The following PRKAA1 variants were observed in gnomAD, a reference collection of about 807,000 sequenced individuals.
PRKAA1 encodes 5'-AMP-activated protein kinase catalytic subunit alpha-1.
In PRKAA1, 23 loss-of-function variants were observed where a neutral mutation model predicts 56.9. The observed-to-expected ratio is 0.40, with a 90% CI of 0.29 to 0.57. The LOEUF is 0.57. PRKAA1 is among the 20% of genes least tolerant of loss of function. PRKAA1 has a pLI of 0.39. For missense variants in PRKAA1, 413 were observed against 679.7 expected (o/e 0.61, Z 4.36); for synonymous variants, 226 against 227.0 (o/e 1.00, Z 0.04).
chr5:40,774,922 T>A, intron 3 of PRKAA1: 1 of 1,589,512 alleles, frequency 6.3e-7, no homozygotes, highest in Non-Finnish European at 8.6e-7. Flanking sequence ...TATATCTAAT[T>A]CCTACCTCCT....
Position 40,765,160 on chromosome 5 carries a change from A to T in PRKAA1, c.900T>A (p.Asp300Glu), listed in dbSNP as rs1743368630. Residue 300 changes from aspartate to glutamate, a missense_variant, in exon 7 of 9, where the codon GAT (aspartate) becomes GAA (glutamate). Asp to Glu is a conservative substitution (Grantham distance 45). Transcript: ENST00000397128. The part of the protein sequence containing the change: ...EDPSYSSTMI[D>E]DEALKEVCEK... ...CACATACTTCTTTTAAGGCTTCATCATCAATCATGGTTGAACTATATGATG... is the reference window on the plus strand; with the variant it reads ...CACATACTTCTTTTAAGGCTTCATCTTCAATCATGGTTGAACTATATGATG... The T allele has an allele frequency of 6.2e-7, 1 of 1,614,180 alleles. No individual in the cohort carries two copies. The highest frequency in any genetic ancestry group is 1.1e-5 in the South Asian group (1 of 91,090).
chr5:40,763,718 C>T (rs901832976), intron 8 of PRKAA1, among the ~76,000 whole-genome samples: 1 of 152,094 alleles, frequency 6.6e-6, no homozygotes, highest in African/African-American at 2.4e-5. Context: ...AAACTCATTC[C>T]GTATTTCAGA....
intron 1 of PRKAA1, 150 bp downstream of exon 1, chr5:40,797,913 G>C: frequency 1.5e-6 from 2 of 1,359,050 alleles, no homozygotes; most frequent in Non-Finnish European, 1.9e-6. Context: ...CCCCGCGGCG[G>C]CTGGGGAGAG....
At chr5:40,776,587 AC>A (rs1744014462) in intron 2 of PRKAA1, among the ~76,000 whole-genome samples, 1 of 152,224 alleles carries the variant, frequency 6.6e-6, no homozygotes, top group Non-Finnish European at 1.5e-5. Flanking sequence ...CAGGAGAAAA[AC>A]CTAAGCATCT....
In PRKAA1 at chr5:40,773,280, GA is replaced by G. The variant is rs1053768081; in HGVS notation, c.364-1418del. 7.3e-5 allele frequency among the ~76,000 whole-genome samples: 11 copies of G among 151,206 alleles called. No individual in the cohort carries two copies. In the East Asian group the frequency reaches 9.7e-4, roughly 13 times the overall value. On this transcript the variant is annotated intron_variant, in intron 3 of 8. Transcript: ENST00000397128. ...ATTTCTAGATTTGTAGGTTCATGGGGAAAAAAAAGAGTATCTGTTCAAATAT... is the reference window on the plus strand; with the variant it reads ...ATTTCTAGATTTGTAGGTTCATGGGGAAAAAAAGAGTATCTGTTCAAATAT...
intron 2 of PRKAA1, among the ~76,000 whole-genome samples, chr5:40,775,803 G>A (rs1210655956): frequency 6.6e-6 from 1 of 152,196 alleles, no homozygotes; most frequent in Non-Finnish European, 1.5e-5. Flanking sequence ...TTTGAGCTGA[G>A]CCTAAAAGAA....
intron 3 of PRKAA1, 81 bp from the exon 4 acceptor site, chr5:40,771,944 T>C (rs2112016062): frequency 4.0e-6 from 6 of 1,495,786 alleles, no homozygotes; most frequent in South Asian, 2.5e-5. Context: ...ACCTATAAAA[T>C]TGTCAAAATA....
rs773209378 is a variant in PRKAA1 at position 40,775,007 on chromosome 5, C to A, written c.363+403G>T. Reference sequence around the variant, plus strand: ...AAAAATGAATGCAATTTAAATGTGGCTAGAATTGACTAGCAAGGCCTAGAT... The same window carrying A: ...AAAAATGAATGCAATTTAAATGTGGATAGAATTGACTAGCAAGGCCTAGAT... On this transcript the variant is annotated intron_variant, in intron 3 of 8. Transcript: ENST00000397128. 4.1e-6 allele frequency: 6 copies of A among 1,454,532 alleles called. No individual in the cohort carries two copies. The Admixed American group carries it at 1.0e-4, about 25-fold the overall frequency. 90.1% of individuals were successfully genotyped at this position (1,454,532 alleles called of 1,614,324 possible). A position where few individuals can be genotyped will look rare whatever the true frequency, so the allele number is the denominator to read the frequency against.
rs985094952 is a variant in PRKAA1, at chr5:40,761,123, G to T, written c.*1655C>A. On this transcript the variant is annotated 3_prime_UTR_variant, in exon 9 of 9. Transcript: ENST00000397128. The stretch of plus-strand genomic sequence containing the variant: ...AATGTGACCACTTATTAATAGAATT[G>T]ATTTGTTCCATATTTTATCAAAATA... 7 of 152,018 alleles carry T rather than the reference G, an allele frequency of 4.6e-5. No individual in the cohort carries two copies. The highest frequency in any genetic ancestry group is 1.7e-4 in the African/African-American group (7 of 41,414). 9.4% of individuals were successfully genotyped at this position (152,018 alleles called of 1,614,324 possible).
chr5:40,773,760 G>A (rs1743859782), intron 3 of PRKAA1, among the ~76,000 whole-genome samples: 1 of 152,234 alleles, frequency 6.6e-6, no homozygotes, highest in South Asian at 2.1e-4. Context: ...TGAGAGATGA[G>A]CTGAAAACAG....
At chr5:40,768,172 C>T (rs561112647) in intron 5 of PRKAA1, among the ~76,000 whole-genome samples, 1 of 152,192 alleles carries the variant, frequency 6.6e-6, no homozygotes, top group Non-Finnish European at 1.5e-5. Context: ...GTTTGCAGTG[C>T]ATTGTAGTCA....
At chr5:40,783,274 C>T (rs893109997) in intron 1 of PRKAA1, among the ~76,000 whole-genome samples, 2 of 152,112 alleles carry the variant, frequency 1.3e-5, no homozygotes, top group East Asian at 3.9e-4. Flanking sequence ...GTTATTCCAA[C>T]CTAACAGACT....
chr5:40,771,003 A>C (rs1743721716), intron 4 of PRKAA1, among the ~76,000 whole-genome samples: 1 of 152,068 alleles, frequency 6.6e-6, no homozygotes, highest in Non-Finnish European at 1.5e-5. Context: ...AAATTGTTTT[A>C]AATAATTTTA....
At chr5:40,772,661 T>C (rs1266575653) in intron 3 of PRKAA1, among the ~76,000 whole-genome samples, 1 of 152,094 alleles carries the variant, frequency 6.6e-6, no homozygotes, top group Non-Finnish European at 1.5e-5. Context: ...TGAGATCCAG[T>C]CTCGTTCTGT....
At chr5:40,775,083 T>C in intron 3 of PRKAA1, 1 of 867,292 alleles carries the variant, frequency 1.2e-6, no homozygotes, top group Non-Finnish European at 1.8e-6. Context: ...TTAAGATACA[T>C]ATTCAAAGTA....
At chr5:40,783,035 C>T (rs960620879) in intron 1 of PRKAA1, among the ~76,000 whole-genome samples, 9 of 152,120 alleles carry the variant, frequency 5.9e-5, no homozygotes, top group African/African-American at 1.9e-4. Flanking sequence ...GATCGTATCA[C>T]AGTGGCAGGA....
At chr5:40,791,635 C>G (rs1044396954) in intron 1 of PRKAA1, among the ~76,000 whole-genome samples, 1 of 152,130 alleles carries the variant, frequency 6.6e-6, no homozygotes, top group Non-Finnish European at 1.5e-5. Flanking sequence ...CATTTCATTC[C>G]CACTTTAAAA....
chr5:40,780,483 TGA>T (rs777369035), intron 1 of PRKAA1, among the ~76,000 whole-genome samples: 17 of 152,132 alleles, frequency 1.1e-4, no homozygotes, highest in Non-Finnish European at 2.2e-4. Flanking sequence ...CATAGATATA[TGA>T]GAGACGATTT....
At chr5:40,794,046 G>A (rs1744825047) in intron 1 of PRKAA1, among the ~76,000 whole-genome samples, 1 of 151,550 alleles carries the variant, frequency 6.6e-6, no homozygotes, top group East Asian at 1.9e-4. Flanking sequence ...AGGTTGCAAT[G>A]AGCTGAGATT....
Sources: allele counts gnomAD v4.1 joint callset (sites outside exome capture counted in the v4.1 genomes callset), GRCh38; gene constraint gnomAD v4.1.1; transcripts MANE v1.5; gene names NCBI Gene and HGNC (gene_info 2026-07-23, HGNC 2026-07-21).